The following ULK4 variants were observed in gnomAD, a reference collection of about 807,000 sequenced individuals.
ULK4 encodes inactive serine/threonine-protein kinase ULK4.
In ULK4, 133 loss-of-function variants were observed where a neutral mutation model predicts 160.6. The observed-to-expected ratio is 0.83, with a 90% confidence interval of 0.72 to 0.96. ULK4 has a LOEUF of 0.96. ULK4 is among the 40% of genes least tolerant of loss of function. The pLI, the probability that ULK4 is intolerant of heterozygous loss-of-function variation, is 0.00. For synonymous variants in ULK4, 534 were observed against 539.8 expected, an observed-to-expected ratio of 0.99 and a Z score of 0.15; for missense variants, 1,580 against 1,499.5, an observed-to-expected ratio of 1.05 and a Z score of -0.89.
chr3:41,715,614 A>G (rs1156273016), intron 23 of ULK4, 46 bp from the exon 24 acceptor site: 1 of 1,611,966 alleles, frequency 6.2e-7, no homozygotes, highest in African/African-American at 1.3e-5. Context: ...AAAACCACAA[A>G]TACTTAGGAG....
At chr3:41,782,451 T>G (rs1397795567) in intron 21 of ULK4, among the ~76,000 whole-genome samples, 1 of 152,074 alleles carries the variant, frequency 6.6e-6, no homozygotes, top group Non-Finnish European at 1.5e-5. Flanking sequence ...TTACTGTGAC[T>G]CACCAAATTT....
intron 35 of ULK4, among the ~76,000 whole-genome samples, chr3:41,275,962 G>A (rs1403409690): frequency 1.3e-5 from 2 of 152,234 alleles, no homozygotes; most frequent in East Asian, 3.8e-4. Context: ...CATCCATGAT[G>A]CAGAAAGGAT....
chr3:41,633,447 T>C (rs1247312794), intron 30 of ULK4, among the ~76,000 whole-genome samples: 1 of 152,170 alleles, frequency 6.6e-6, no homozygotes, highest in African/African-American at 2.4e-5. Context: ...TAAGTAGCTG[T>C]AACAGAGACC....
chr3:41,882,356 T>C (rs775615230), intron 17 of ULK4: 26 of 693,616 alleles, frequency 3.7e-5, no homozygotes, highest in Non-Finnish European at 6.3e-5. Context: ...AGTAGAACAA[T>C]GGGGTTTGGA....
chr3:41,428,529 G>A (rs746159328), intron 34 of ULK4, among the ~76,000 whole-genome samples: 4 of 152,110 alleles, frequency 2.6e-5, no homozygotes, highest in Non-Finnish European at 5.9e-5. Context: ...ATACTACAAG[G>A]CTATAGTCAC....
chr3:41,877,198 G>A (rs1204784113), intron 17 of ULK4, among the ~76,000 whole-genome samples: 2 of 152,014 alleles, frequency 1.3e-5, no homozygotes, highest in Admixed American at 6.6e-5. Context: ...TCATCCAGTG[G>A]GTTATATCCC....
intron 30 of ULK4, among the ~76,000 whole-genome samples, chr3:41,627,410 T>G (rs1445868710): frequency 2.0e-5 from 3 of 151,876 alleles, no homozygotes; most frequent in Non-Finnish European, 4.4e-5. Context: ...ATAAAAAGAG[T>G]AGACAAGACA....
At chr3:41,425,626 C>T (rs149962598) in intron 34 of ULK4, among the ~76,000 whole-genome samples, 1 of 152,310 alleles carries the variant, frequency 6.6e-6, no homozygotes, top group Non-Finnish European at 1.5e-5. Flanking sequence ...CAATATTCAA[C>T]ATAATTCCCA....
chr3:41,894,977 A>T (rs1362941330), intron 16 of ULK4, among the ~76,000 whole-genome samples: 2 of 152,250 alleles, frequency 1.3e-5, no homozygotes, highest in Non-Finnish European at 2.9e-5. Context: ...TCATAATCCC[A>T]TTAGATTGTA....
chr3:41,323,453 AAC>A (rs892672359), intron 35 of ULK4, among the ~76,000 whole-genome samples: 1 of 151,222 alleles, frequency 6.6e-6, no homozygotes, highest in African/African-American at 2.4e-5. Context: ...AAACCAAAAA[AAC>A]AGAGGCATGG....
intron 17 of ULK4, among the ~76,000 whole-genome samples, chr3:41,839,424 A>G (rs1364588990): frequency 6.7e-6 from 1 of 149,130 alleles, no homozygotes; most frequent in Non-Finnish European, 1.5e-5. Flanking sequence ...TAATATATAC[A>G]TATAATATAT....
intron 22 of ULK4, among the ~76,000 whole-genome samples, chr3:41,746,742 T>C (rs1053518585): frequency 6.6e-6 from 1 of 151,932 alleles, no homozygotes; most frequent in Non-Finnish European, 1.5e-5. Context: ...AGCCTTATTA[T>C]GGTCAAGTAA....
intron 30 of ULK4, among the ~76,000 whole-genome samples, chr3:41,634,111 T>A (rs1347569379): frequency 6.6e-6 from 1 of 152,202 alleles, no homozygotes; most frequent in Admixed American, 6.5e-5. Flanking sequence ...ATGTGGCTGT[T>A]TACACTGTGC....
intron 16 of ULK4, among the ~76,000 whole-genome samples, chr3:41,891,363 G>GAGAC (rs1262441607): frequency 7.2e-6 from 1 of 138,986 alleles, no homozygotes; most frequent in Non-Finnish European, 1.6e-5. Context: ...GGGAGGGAGG[G>GAGAC]AGGCAGGCAG....
intron 30 of ULK4, among the ~76,000 whole-genome samples, chr3:41,653,791 T>C (rs550932969): frequency 2.2e-4 from 34 of 152,318 alleles, no homozygotes; most frequent in African/African-American, 7.7e-4. Context: ...TGCAAGCCAG[T>C]TAGCCATATG....
At chr3:41,772,013 T>G (rs1031971737) in intron 21 of ULK4, among the ~76,000 whole-genome samples, 1 of 152,192 alleles carries the variant, frequency 6.6e-6, no homozygotes, top group Non-Finnish European at 1.5e-5. Context: ...ATGCTCACTC[T>G]GGTGGGTTAC....
intron 32 of ULK4, among the ~76,000 whole-genome samples, chr3:41,520,506 T>C (rs1173860719): frequency 1.3e-5 from 2 of 152,228 alleles, no homozygotes; most frequent in Non-Finnish European, 2.9e-5. Flanking sequence ...TTATGAATAA[T>C]GCTGCAATGC....
At chr3:41,563,182 T>C (rs1189733284) in intron 32 of ULK4, among the ~76,000 whole-genome samples, 6 of 152,226 alleles carry the variant, frequency 3.9e-5, no homozygotes, top group Admixed American at 1.3e-4. Context: ...TGTTGAATAT[T>C]GGCCCCCACT....
Position 41,379,899 on chromosome 3 carries a change from T to C in ULK4, c.3678+18180A>G, listed in dbSNP as rs201798488. On this transcript the variant is annotated intron_variant, in intron 35 of 36. Coordinates refer to ENST00000301831, the MANE Select transcript of ULK4 (RefSeq NM_017886.4). ...TGGCAGAGGATACATATTACATAAA[T>C]ATTTATTTTTAATTCCCTAGTTCCC... Among the ~76,000 whole-genome samples, 3 of 152,154 alleles carry C rather than the reference T, an allele frequency of 2.0e-5. No homozygotes were observed. The East Asian group carries it at 5.8e-4, about 29-fold the overall frequency.
Sources: allele counts gnomAD v4.1 joint callset (sites outside exome capture counted in the v4.1 genomes callset), GRCh38; gene constraint gnomAD v4.1.1; transcripts MANE v1.5; gene names NCBI Gene and HGNC (gene_info 2026-07-23, HGNC 2026-07-21).